The following NCAM1 variants were observed in gnomAD, a reference collection of about 807,000 sequenced individuals.
The protein encoded by NCAM1 is antigen recognized by monoclonal antibody 5.1H11.
Under a neutral mutation model 109.8 loss-of-function variants are expected in NCAM1, and 14 were observed. The observed-to-expected ratio is 0.13, with a 90% CI of 0.08 to 0.20. NCAM1 has a LOEUF of 0.20. Ranked by LOEUF, NCAM1 falls within the 10% of genes least tolerant of loss-of-function variation. The pLI is 1.00. For missense variants in NCAM1, 774 were observed against 1,109.9 expected (o/e 0.70, Z 4.30); for synonymous variants, 418 against 442.9 (o/e 0.94, Z 0.70).
At chr11:113,019,274 G>T (rs1470167815) in intron 1 of NCAM1, among the ~76,000 whole-genome samples, 1 of 152,098 alleles carries the variant, frequency 6.6e-6, no homozygotes, top group Non-Finnish European at 1.5e-5. Context: ...CTTCCAAGGA[G>T]TTCTTAGTTC....
At chr11:113,046,311 G>C (rs782033183) in intron 1 of NCAM1, among the ~76,000 whole-genome samples, 2 of 152,192 alleles carry the variant, frequency 1.3e-5, no homozygotes, top group African/African-American at 4.8e-5. Flanking sequence ...CACAGAGCTC[G>C]TAAGAGAGGA....
intron 1 of NCAM1, among the ~76,000 whole-genome samples, chr11:113,161,410 G>A (rs782447381): frequency 4.6e-5 from 7 of 151,930 alleles, no homozygotes; most frequent in African/African-American, 1.5e-4. Flanking sequence ...CTGTGCCCCC[G>A]AAAGAGTTCC....
At chr11:113,226,329 AAAG>A (rs1944844486) in intron 9 of NCAM1, among the ~76,000 whole-genome samples, 1 of 152,248 alleles carries the variant, frequency 6.6e-6, no homozygotes, top group Non-Finnish European at 1.5e-5. Context: ...CAAAAGAGAC[AAAG>A]AAGGCCATTA....
At chr11:113,187,525 T>C (rs978268020) in intron 1 of NCAM1, among the ~76,000 whole-genome samples, 2 of 151,282 alleles carry the variant, frequency 1.3e-5, no homozygotes, top group Non-Finnish European at 2.9e-5. Context: ...AGTCTGATAT[T>C]GTGTACACTG....
At chr11:113,040,008 G>A (rs1420579417) in intron 1 of NCAM1, among the ~76,000 whole-genome samples, 2 of 152,130 alleles carry the variant, frequency 1.3e-5, no homozygotes, top group African/African-American at 2.4e-5. Flanking sequence ...GGGCGTGGTG[G>A]CATGCGCCTG....
chr11:113,231,900 C>A, intron 10 of NCAM1, 105 bp downstream of exon 10: 1 of 1,428,538 alleles, frequency 7.0e-7, no homozygotes, highest in Non-Finnish European at 9.7e-7. Context: ...GTGTGTTCTG[C>A]TTACGTTCCC....
intron 1 of NCAM1, among the ~76,000 whole-genome samples, chr11:113,010,442 A>G (rs1353192357): frequency 6.6e-6 from 1 of 152,208 alleles, no homozygotes; most frequent in African/African-American, 2.4e-5. Context: ...GATGAATAAC[A>G]GGATCCTATA....
intron 1 of NCAM1, among the ~76,000 whole-genome samples, chr11:113,020,413 C>T (rs1195726361): frequency 3.3e-5 from 5 of 152,134 alleles, no homozygotes; most frequent in Non-Finnish European, 7.3e-5. Flanking sequence ...ATTCTTAAGG[C>T]ACCATTCGCT....
chr11:113,209,418 C>A (rs1336651660), intron 7 of NCAM1, among the ~76,000 whole-genome samples: 1 of 152,196 alleles, frequency 6.6e-6, no homozygotes, highest in Admixed American at 6.5e-5. Flanking sequence ...TCTTGAAAGT[C>A]TTTTCTTGAA....
chr11:113,060,891 A>G (rs1337555918), intron 1 of NCAM1, among the ~76,000 whole-genome samples: 1 of 152,200 alleles, frequency 6.6e-6, no homozygotes, highest in Non-Finnish European at 1.5e-5. Flanking sequence ...TTGAAAGTAA[A>G]TGGAAGAATA....
intron 1 of NCAM1, among the ~76,000 whole-genome samples, chr11:113,192,984 C>G (rs1200197492): frequency 1.3e-5 from 2 of 152,170 alleles, no homozygotes; most frequent in African/African-American, 4.8e-5. Context: ...GCTATCTGCT[C>G]CTCAGTGCAT....
intron 14 of NCAM1, among the ~76,000 whole-genome samples, chr11:113,243,216 C>T (rs536363476): frequency 6.6e-6 from 1 of 152,282 alleles, no homozygotes; most frequent in East Asian, 1.9e-4. Context: ...CGCTCATGCG[C>T]GTGTTAATTT....
At chr11:113,096,174 G>A (rs1263573918) in intron 1 of NCAM1, among the ~76,000 whole-genome samples, 2 of 152,098 alleles carry the variant, frequency 1.3e-5, no homozygotes, top group Non-Finnish European at 2.9e-5. Flanking sequence ...GAGAGAAGTG[G>A]GCACTTACCT....
intron 1 of NCAM1, among the ~76,000 whole-genome samples, chr11:113,094,657 C>G (rs1190992556): frequency 6.6e-5 from 10 of 152,172 alleles, no homozygotes; most frequent in Non-Finnish European, 1.3e-4. Context: ...GCCCCACACT[C>G]TTGTTAACTG....
At position 112,994,847 on chromosome 11, in the gene NCAM1, GT is replaced by G. The variant is rs782523134; in HGVS notation, c.52+33186del. 4.2e-4 allele frequency among the ~76,000 whole-genome samples: 64 copies of G among 152,146 alleles called. 1 individual carries two copies. The highest frequency in any genetic ancestry group is 1.8e-3 in the Admixed American group (27 of 15,286). ...CTTTTGTAGAAATCTTGTAATCTTT[GT>G]TTGTCAATGGTTCTTCTTCCATTCT... On this transcript the variant is annotated intron_variant, in intron 1 of 19. Transcript: ENST00000316851.
In NCAM1 at chr11:113,080,513, G is replaced by A. The variant is rs183116859; in HGVS notation, c.52+118849G>A. On this transcript the variant is annotated intron_variant, in intron 1 of 19. Coordinates refer to ENST00000316851, the MANE Select transcript of NCAM1 (RefSeq NM_181351.5). ...CTGCCTGTCAGTCAAGTTTGATGCG[G>A]GTGGTATTCACATGCAGCCTTGCTT... 3.0e-4 allele frequency among the ~76,000 whole-genome samples: 46 copies of A among 151,952 alleles called. No homozygotes were observed. The East Asian group carries it at 7.9e-3, about 26-fold the overall frequency.
chr11:113,161,281 A>G (rs1555104347), intron 1 of NCAM1, among the ~76,000 whole-genome samples: 1 of 152,186 alleles, frequency 6.6e-6, no homozygotes, highest in African/African-American at 2.4e-5. Flanking sequence ...AGAACGTTTT[A>G]CTTCTTTCTT....
intron 19 of NCAM1, among the ~76,000 whole-genome samples, 167 bp downstream of exon 19, chr11:113,272,043 C>T (rs1465806485): frequency 2.0e-5 from 3 of 151,658 alleles, no homozygotes; most frequent in Non-Finnish European, 4.4e-5. Flanking sequence ...AAATGCCTGA[C>T]CTCAGGCATT....
intron 15 of NCAM1, 140 bp from the exon 16 acceptor site, chr11:113,255,737 A>T: frequency 1.0e-6 from 1 of 982,112 alleles, no homozygotes; most frequent in Non-Finnish European, 1.5e-6. Flanking sequence ...TCAGTTTTAT[A>T]TTTATTGCTT....
Sources: gnomAD v4.1 joint callset for allele counts (sites outside exome capture counted in the v4.1 genomes callset) on GRCh38, gnomAD v4.1.1 for gene constraint, MANE v1.5 for transcripts, NCBI Gene and HGNC (gene_info 2026-07-23, HGNC 2026-07-21) for gene names.